Variants in PKIB observed in about 807,000 individuals in gnomAD.
The protein encoded by PKIB is PKI-beta.
PKIB carries 2 observed loss-of-function variants against 4.5 expected under a neutral mutation model. The ratio of observed to expected loss-of-function variants is 0.44; its 90% CI spans 0.18 to 1.39. PKIB has a LOEUF of 1.39. PKIB is among the 40% of genes most tolerant of loss of function. PKIB has a pLI of 0.27. For missense variants in PKIB, 94 were observed against 92.6 expected, an observed-to-expected ratio of 1.02 and a Z score of -0.06; for synonymous variants, 38 against 36.0, an observed-to-expected ratio of 1.06 and a Z score of -0.20.
At chr6:122,649,442 C>G (rs1776461029) in intron 2 of PKIB, among the ~76,000 whole-genome samples, 1 of 152,188 alleles carries the variant, frequency 6.6e-6, no homozygotes, top group South Asian at 2.1e-4. Flanking sequence ...CTGTAAACCA[C>G]TCTGAAATCT....
chr6:122,474,499 C>G lies in PKIB; in HGVS notation c.-337+2458C>G, dbSNP rs1000485476. Among the ~76,000 whole-genome samples, 3 of 152,298 alleles carry G rather than the reference C, an allele frequency of 2.0e-5. No homozygotes were observed. In the South Asian group the frequency reaches 6.2e-4, roughly 32 times the overall value. On this transcript the variant is annotated intron_variant, in intron 1 of 6. Coordinates refer to the PKIB transcript ENST00000392491. Reference sequence around the variant, plus strand: ...TGGACTTCATAGCCTTCTGGCAGCCCTCCTAGAATATCTTTTCTCATAATT... The same window carrying G: ...TGGACTTCATAGCCTTCTGGCAGCCGTCCTAGAATATCTTTTCTCATAATT...
intron 2 of PKIB, among the ~76,000 whole-genome samples, chr6:122,661,012 G>A (rs1183354709): frequency 6.6e-6 from 1 of 151,956 alleles, no homozygotes; most frequent in East Asian, 1.9e-4. Flanking sequence ...ATAACAAGCT[G>A]GCATCCTAGT....
At chr6:122,675,905 T>G (rs996950636) in intron 3 of PKIB, among the ~76,000 whole-genome samples, 1 of 151,972 alleles carries the variant, frequency 6.6e-6, no homozygotes, top group African/African-American at 2.4e-5. Context: ...GAGTTGATGG[T>G]GTAAAGCAGC....
In PKIB at chr6:122,698,728, T is replaced by C. The variant is rs374842982; in HGVS notation, c.-8-19059T>C. Reference sequence around the variant, plus strand: ...TTGTTGAGGAGGTTCCCCTTTAAGATGGGCAATCTGTAAGTAACAGCACTA... The same window carrying C: ...TTGTTGAGGAGGTTCCCCTTTAAGACGGGCAATCTGTAAGTAACAGCACTA... On this transcript the variant is annotated intron_variant, in intron 3 of 4. Transcript: ENST00000368452. Among the ~76,000 whole-genome samples, 68 of 152,282 alleles carry C rather than the reference T, an allele frequency of 4.5e-4. 2 individuals carry two copies. In the South Asian group the frequency reaches 0.013, roughly 29 times the overall value.
At chr6:122,508,840 T>C (rs1426142731) in intron 2 of PKIB, among the ~76,000 whole-genome samples, 1 of 152,040 alleles carries the variant, frequency 6.6e-6, no homozygotes, top group Non-Finnish European at 1.5e-5. Context: ...AAGCTCCGCC[T>C]CCTGGGTTCA....
chr6:122,557,281 T>A (rs1770266219), intron 2 of PKIB, among the ~76,000 whole-genome samples: 1 of 152,184 alleles, frequency 6.6e-6, no homozygotes, highest in Non-Finnish European at 1.5e-5. Context: ...ATGTCACAGA[T>A]GTTCATGGCC....
At chr6:122,519,388 A>G (rs1413910906) in intron 2 of PKIB, among the ~76,000 whole-genome samples, 1 of 152,114 alleles carries the variant, frequency 6.6e-6, no homozygotes, top group African/African-American at 2.4e-5. Flanking sequence ...ACAATGTAAT[A>G]ATAATATAAA....
At chr6:122,562,470 T>C (rs181352074) in intron 2 of PKIB, among the ~76,000 whole-genome samples, 2 of 152,286 alleles carry the variant, frequency 1.3e-5, no homozygotes, top group Admixed American at 1.3e-4. Context: ...TTCCAGGTGT[T>C]CCTTGTGCTT....
intron 1 of PKIB, among the ~76,000 whole-genome samples, chr6:122,630,764 A>G (rs992857024): frequency 1.3e-5 from 2 of 152,166 alleles, no homozygotes; most frequent in African/African-American, 4.8e-5. Context: ...GATATGCTAT[A>G]TCTGTTTCTT....
At position 122,561,210 on chromosome 6, in the gene PKIB, C is replaced by A. The variant is rs138306383; in HGVS notation, c.-247-24711C>A. On this transcript the variant is annotated intron_variant, in intron 2 of 6. Coordinates refer to the PKIB transcript ENST00000392491. ...TACTTTCCTCTTAGCACTGCCTTTG[C>A]TGTATCCCAGAGGTTTTGATAGGTC... is the stretch of plus-strand genomic sequence containing the variant. 2.2e-3 allele frequency among the ~76,000 whole-genome samples: 329 copies of A among 152,010 alleles called. 7 individuals carry two copies. The East Asian group carries it at 0.043, about 20-fold the overall frequency.
intron 3 of PKIB, among the ~76,000 whole-genome samples, chr6:122,706,690 T>C (rs536247088): frequency 6.6e-6 from 1 of 152,292 alleles, no homozygotes; most frequent in South Asian, 2.1e-4. Context: ...TAATCCACAG[T>C]GTAGAATCAC....
chr6:122,710,312 C>A lies in PKIB; in HGVS notation c.-8-7475C>A, dbSNP rs552596136. On this transcript the variant is annotated intron_variant, in intron 3 of 4. Coordinates refer to ENST00000368452, the MANE Select transcript of PKIB (RefSeq NM_181795.3). The stretch of plus-strand genomic sequence containing the variant: ...TGACTTTTTAGGCCTTGCATGTAAA[C>A]CCCCAACACAGACGGCCGTGTTCCC... 2.7e-3 allele frequency among the ~76,000 whole-genome samples: 409 copies of A among 152,244 alleles called. 5 individuals carry two copies. Among genetic ancestry groups the A allele is most frequent in the African/African-American group, 8.9e-3 (369 of 41,552 alleles).
chr6:122,687,648 C>G (rs1562302058), intron 3 of PKIB, among the ~76,000 whole-genome samples: 1 of 151,976 alleles, frequency 6.6e-6, no homozygotes, highest in African/African-American at 2.4e-5. Flanking sequence ...TTTCTTTTGT[C>G]AGGGTTTTAG....
intron 2 of PKIB, among the ~76,000 whole-genome samples, chr6:122,541,417 T>G (rs1472811886): frequency 1.3e-5 from 2 of 151,744 alleles, no homozygotes; most frequent in African/African-American, 2.4e-5. Context: ...GTCTGTAAAG[T>G]ATTTTATTTC....
intron 2 of PKIB, among the ~76,000 whole-genome samples, chr6:122,640,572 G>T (rs72964543): frequency 0.11 from 16,407 of 152,136 alleles, 939 homozygotes; most frequent in East Asian, 0.14. Flanking sequence ...AGTTGCTAGG[G>T]TTTAGTTCTA....
chr6:122,519,013 CTT>C (rs1776850580), intron 2 of PKIB, among the ~76,000 whole-genome samples: 1 of 152,050 alleles, frequency 6.6e-6, no homozygotes, highest in Admixed American at 6.6e-5. Context: ...AGTATGAGCA[CTT>C]ATTGGGTTGG....
At chr6:122,543,126 T>C (rs1777660116) in intron 2 of PKIB, among the ~76,000 whole-genome samples, 1 of 152,182 alleles carries the variant, frequency 6.6e-6, no homozygotes, top group South Asian at 2.1e-4. Flanking sequence ...CACCCCTTTC[T>C]TTGACTAGGA....
chr6:122,528,574 A>G (rs1264361835), intron 2 of PKIB, among the ~76,000 whole-genome samples: 1 of 152,124 alleles, frequency 6.6e-6, no homozygotes, highest in African/African-American at 2.4e-5. Context: ...AAGGAGCTCT[A>G]ATATTTTCCT....
chr6:122,675,698 A>C (rs1467279255), intron 3 of PKIB, among the ~76,000 whole-genome samples: 1 of 152,174 alleles, frequency 6.6e-6, no homozygotes, highest in Non-Finnish European at 1.5e-5. Flanking sequence ...TGAGGAATCT[A>C]GGAGACTTTT....
Sources: gnomAD v4.1 joint callset for allele counts (sites outside exome capture counted in the v4.1 genomes callset) on GRCh38, gnomAD v4.1.1 for gene constraint, MANE v1.5 for transcripts, NCBI Gene and HGNC (gene_info 2026-07-23, HGNC 2026-07-21) for gene names.